ALMS1: variants seen among roughly 807,000 people sequenced by gnomAD.
ALMS1 encodes centrosome-associated protein ALMS1.
Under a neutral mutation model 352.2 loss-of-function variants are expected in ALMS1, and 271 were observed. The observed-to-expected ratio is 0.77, with a 90% CI of 0.70 to 0.85. The LOEUF (loss-of-function observed/expected upper bound fraction) is 0.85. Ranked by LOEUF, ALMS1 falls within the 40% of genes least tolerant of loss-of-function variation. The probability of loss-of-function intolerance (pLI) is 0.00; values close to 1 mark genes in which losing one functional copy is unlikely to be tolerated. For missense variants in ALMS1, 5,445 were observed against 4,870.7 expected (o/e 1.12, Z -3.51); for synonymous variants, 1,865 against 1,761.2 (o/e 1.06, Z -1.48).
intron 15 of ALMS1, among the ~76,000 whole-genome samples, chr2:73,565,925 G>C (rs1056610277): frequency 6.6e-6 from 1 of 152,170 alleles, no homozygotes; most frequent in African/African-American, 2.4e-5. Context: ...ATAATTAAAT[G>C]TAATGTGGTG....
chr2:73,424,991 T>A, intron 5 of ALMS1, 89 bp downstream of exon 5: 1 of 1,122,628 alleles, frequency 8.9e-7, no homozygotes, highest in Non-Finnish European at 1.3e-6. Context: ...GTGTCCCCTT[T>A]TCCTATGTGC....
intron 12 of ALMS1, among the ~76,000 whole-genome samples, chr2:73,548,013 A>C (rs1331411789): frequency 1.3e-5 from 2 of 152,140 alleles, no homozygotes; most frequent in Non-Finnish European, 2.9e-5. Flanking sequence ...AACTAGGTGA[A>C]TAGAGGTGCC....
At chr2:73,540,217 AC>A (rs1674141634) in intron 12 of ALMS1, among the ~76,000 whole-genome samples, 1 of 152,234 alleles carries the variant, frequency 6.6e-6, no homozygotes, top group Non-Finnish European at 1.5e-5. Context: ...CCAGTATTCA[AC>A]ATTCTTAAAG....
At chr2:73,432,087 G>T in intron 6 of ALMS1, 111 bp from the exon 7 acceptor site, 1 of 776,394 alleles carries the variant, frequency 1.3e-6, no homozygotes, top group South Asian at 1.5e-5. Flanking sequence ...TTTAGCAGAT[G>T]AGGTTTGAAA....
At chr2:73,557,779 T>G (rs564061575) in intron 14 of ALMS1, among the ~76,000 whole-genome samples, 1 of 152,352 alleles carries the variant, frequency 6.6e-6, no homozygotes, top group South Asian at 2.1e-4. Context: ...TTATGCTGAT[T>G]TAAATAACCC....
At chr2:73,463,448 A>T (rs1003104362) in intron 9 of ALMS1, among the ~76,000 whole-genome samples, 2 of 147,494 alleles carry the variant, frequency 1.4e-5, no homozygotes, top group African/African-American at 5.0e-5. Context: ...ACACATTCAA[A>T]GCAGTGTGTA....
At chr2:73,546,812 G>T (rs1316167131) in intron 12 of ALMS1, among the ~76,000 whole-genome samples, 2 of 152,172 alleles carry the variant, frequency 1.3e-5, no homozygotes, top group Non-Finnish European at 2.9e-5. Context: ...GGCAGCGTGG[G>T]TTGAAATTCC....
chr2:73,528,398 G>A (rs1673838605), intron 11 of ALMS1, among the ~76,000 whole-genome samples: 1 of 151,938 alleles, frequency 6.6e-6, no homozygotes, highest in Non-Finnish European at 1.5e-5. Flanking sequence ...TATATATCTG[G>A]GTACTCCACC....
intron 8 of ALMS1, among the ~76,000 whole-genome samples, chr2:73,454,934 A>G (rs1672029042): frequency 6.6e-6 from 1 of 152,220 alleles, no homozygotes; most frequent in Admixed American, 6.5e-5. Flanking sequence ...CCCGATTTAA[A>G]GTGGCTTTTT....
chr2:73,471,493 CAAAAAA>C (rs58688820), intron 9 of ALMS1, among the ~76,000 whole-genome samples: 2 of 113,660 alleles, frequency 1.8e-5, no homozygotes, highest in Admixed American at 1.8e-4. Flanking sequence ...ACTCAACAGC[CAAAAAA>C]AAAAAAAAAA....
intron 10 of ALMS1, among the ~76,000 whole-genome samples, chr2:73,511,543 G>A (rs772608833): frequency 3.3e-5 from 5 of 152,100 alleles, no homozygotes; most frequent in Admixed American, 6.5e-5. Context: ...TACCTTAGTC[G>A]GAAATGCAGA....
At position 73,572,878 on chromosome 2, in the gene ALMS1, A is replaced by G; in HGVS notation, c.11001A>G (p.Gln3667=). The G allele has an allele frequency of 6.2e-7, 1 of 1,614,176 alleles. No individual in the cohort carries two copies. The highest frequency in any genetic ancestry group is 8.5e-7 in the Non-Finnish European group (1 of 1,180,020). The change falls in exon 16 of 23, where the codon CAA becomes CAG. Residue 3667 remains glutamine, a synonymous_variant. Coordinates refer to ENST00000613296, the MANE Select transcript of ALMS1 (RefSeq NM_001378454.1). ...GTGTGAAGGAATGGAGTGGTAGACA[A>G]CAGCAGAGAAATAAGCTTCAGAAAA... is the stretch of plus-strand genomic sequence containing the variant. ...ERSVKEWSGR[Q]QQRNKLQKKK...
intron 9 of ALMS1, among the ~76,000 whole-genome samples, chr2:73,485,267 T>C (rs1435473691): frequency 3.9e-5 from 6 of 152,214 alleles, no homozygotes; most frequent in Admixed American, 1.3e-4. Context: ...TGGATGTCCT[T>C]TCTATTTGTT....
chr2:73,594,447 G>A (rs991062783), intron 16 of ALMS1, among the ~76,000 whole-genome samples: 7 of 152,186 alleles, frequency 4.6e-5, no homozygotes, highest in Non-Finnish European at 1.0e-4. Context: ...ACACCCTGTG[G>A]TGCACACCAT....
chr2:73,518,214 A>G (rs1673600386), intron 10 of ALMS1, among the ~76,000 whole-genome samples: 1 of 151,872 alleles, frequency 6.6e-6, no homozygotes, highest in African/African-American at 2.4e-5. Context: ...GTGAGGATGC[A>G]GTATTTGGTT....
intron 15 of ALMS1, among the ~76,000 whole-genome samples, chr2:73,568,743 G>A (rs1674854057): frequency 6.6e-6 from 1 of 151,984 alleles, no homozygotes; most frequent in South Asian, 2.1e-4. Flanking sequence ...GCAGTTCTAG[G>A]TATGAAAGAA....
At chr2:73,390,308 ATGTGT>A (rs1246407677) in intron 1 of ALMS1, among the ~76,000 whole-genome samples, 3 of 152,182 alleles carry the variant, frequency 2.0e-5, no homozygotes, top group African/African-American at 7.2e-5. Context: ...AAATTCTTAG[ATGTGT>A]TGTATAACAT....
At chr2:73,395,851 C>CT (rs1313913221) in intron 1 of ALMS1, among the ~76,000 whole-genome samples, 2 of 152,136 alleles carry the variant, frequency 1.3e-5, no homozygotes, top group East Asian at 3.9e-4. Context: ...AGTGTATATG[C>CT]TTTTTTATTC....
At chr2:73,533,487 A>G (rs568416982) in intron 11 of ALMS1, among the ~76,000 whole-genome samples, 4 of 152,178 alleles carry the variant, frequency 2.6e-5, no homozygotes, top group Admixed American at 6.5e-5. Context: ...GATCTGCAGT[A>G]TCTAGGAAGT....
Sources: allele counts gnomAD v4.1 joint callset (sites outside exome capture counted in the v4.1 genomes callset), GRCh38; gene constraint gnomAD v4.1.1; transcripts MANE v1.5; gene names NCBI Gene and HGNC (gene_info 2026-07-23, HGNC 2026-07-21).